KIF23: variants seen among roughly 807,000 people sequenced by gnomAD.
KIF23 encodes the protein kinesin-like protein KIF23.
In KIF23, 30 loss-of-function variants were observed where a neutral mutation model predicts 137.5. The ratio of observed to expected loss-of-function variants is 0.22; its 90% confidence interval spans 0.16 to 0.30. The LOEUF is 0.30. KIF23 is among the 10% of genes least tolerant of loss of function. The probability of loss-of-function intolerance (pLI) is 1.00; values close to 1 mark genes in which losing one functional copy is unlikely to be tolerated. For missense variants in KIF23, 920 were observed against 1,194.3 expected (o/e 0.77, Z 3.38); for synonymous variants, 367 against 391.1 (o/e 0.94, Z 0.73).
chr15:69,446,726 G>T (rs2057747352), intron 22 of KIF23, 145 bp from the exon 23 acceptor site: 2 of 760,202 alleles, frequency 2.6e-6, no homozygotes, highest in African/African-American at 3.4e-5. Flanking sequence ...AATAAATTAC[G>T]AGTGACTGGT....
intron 1 of KIF23, 26 bp from the exon 2 acceptor site, chr15:69,415,965 GTTA>G (rs751218869): frequency 9.4e-6 from 14 of 1,490,594 alleles, no homozygotes; most frequent in South Asian, 6.6e-5. Context: ...TGAAAAAAAA[GTTA>G]TTATTATTTT....
intron 10 of KIF23, chr15:69,427,265 A>G (rs2140343976): frequency 2.8e-6 from 1 of 360,330 alleles, no homozygotes; most frequent in Non-Finnish European, 5.5e-6. Flanking sequence ...TATCTGTGAA[A>G]TTTAGTATCC....
chr15:69,422,239 T>C, intron 5 of KIF23, 87 bp from the exon 6 acceptor site: 2 of 1,453,682 alleles, frequency 1.4e-6, no homozygotes, highest in Non-Finnish European at 1.9e-6. Flanking sequence ...ACCTTAACTG[T>C]TCCTTAGTTT....
chr15:69,438,999 G>A (rs1596015898), intron 16 of KIF23, among the ~76,000 whole-genome samples: 1 of 151,884 alleles, frequency 6.6e-6, no homozygotes. Context: ...TCGGAAGGCT[G>A]AGATGGGAGA....
intron 13 of KIF23, 57 bp downstream of exon 13, chr15:69,435,828 C>G (rs775356444): frequency 6.4e-7 from 1 of 1,571,622 alleles, no homozygotes; most frequent in South Asian, 1.2e-5. Context: ...AAAACAGTTA[C>G]TTGGATGAGC....
chr15:69,430,601 T>G (rs2057332777), intron 11 of KIF23, among the ~76,000 whole-genome samples: 1 of 152,222 alleles, frequency 6.6e-6, no homozygotes, highest in Non-Finnish European at 1.5e-5. Context: ...AAAGGCAACG[T>G]TCCTGTCCCA....
At chr15:69,445,072 AT>A in intron 20 of KIF23, 31 bp downstream of exon 20, 3 of 1,578,188 alleles carry the variant, frequency 1.9e-6, no homozygotes, top group Non-Finnish European at 2.6e-6. Context: ...GGAGAAAAAA[AT>A]ATATTTAAAA....
Position 69,446,329 on chromosome 15 carries a change from G to A in KIF23, c.2803G>A (p.Gly935Ser). The A allele has an allele frequency of 1.2e-6, 2 of 1,614,140 alleles. No individual in the cohort carries two copies. Among genetic ancestry groups the A allele is most frequent in the Non-Finnish European group, 1.7e-6 (2 of 1,179,986 alleles). ...SSTVAPAQPD[G>S]AESEWTDVET... ...CACAGTAGCACCTGCCCAACCAGAT[G>A]GTGCAGAGTCTGAATGGACCGATGT... The change falls in exon 22 of 24, where the codon GGT (glycine) becomes AGT (serine). Residue 935 changes from glycine (G) to serine (S), a missense_variant. Physicochemically the swap from Gly to Ser is moderately conservative, Grantham distance 56. Transcript: ENST00000679126.
At position 69,440,924 on chromosome 15, in the gene KIF23, G is replaced by C. The variant is rs143219911; in HGVS notation, c.2266G>C (p.Val756Leu). ...TCCTACGTACAACACACCTCTCAAA[G>C]TCACATCTATTGCAAGGCGTAGGCA... ...KIPTYNTPLK[V>L]TSIARRRQQE... Residue 756 changes from valine to leucine, a missense_variant, in exon 19 of 24, where the codon GTC becomes CTC. By Grantham distance (32) the Val-to-Leu change is conservative (BLOSUM62 1). Transcript: ENST00000679126. The C allele has an allele frequency of 4.8e-5, 77 of 1,614,160 alleles. No homozygotes were observed. The African/African-American group carries it at 9.3e-4, about 20-fold the overall frequency.
intron 10 of KIF23, chr15:69,426,701 C>G (rs143336405): frequency 1.3e-4 from 58 of 435,724 alleles, no homozygotes; most frequent in African/African-American, 1.1e-3. Context: ...GCCTGGGTGA[C>G]AGAGTGAGAC....
intron 23 of KIF23, 42 bp downstream of exon 23, chr15:69,446,983 T>C (rs1200958000): frequency 1.3e-6 from 2 of 1,501,928 alleles, no homozygotes; most frequent in East Asian, 2.3e-5. Context: ...TGTGCTTTTT[T>C]CCTCCTCTGG....
Position 69,426,470 on chromosome 15 carries a change from T to C in KIF23, c.1011+13T>C, listed in dbSNP as rs778626258. On this transcript the variant is annotated intron_variant, in intron 10 of 23. Transcript: ENST00000679126. The stretch of plus-strand genomic sequence containing the variant: ...CAATGTCTTACAGGTAAAGTTGTAG[T>C]ATGTGGAGTTTTTCTGGTTCTAACT... 1 of 1,612,358 alleles carries C rather than the reference T, an allele frequency of 6.2e-7. No individual in the cohort carries two copies. Among genetic ancestry groups the C allele is most frequent in the Non-Finnish European group, 8.5e-7 (1 of 1,179,422 alleles).
intron 17 of KIF23, 102 bp from the exon 18 acceptor site, chr15:69,440,206 A>G: frequency 6.7e-7 from 1 of 1,499,518 alleles, no homozygotes; most frequent in Non-Finnish European, 9.0e-7. Context: ...CTCAGGAAGA[A>G]TTGGAGAACT....
Position 69,426,153 on chromosome 15 carries a change from C to T in KIF23, c.860C>T (p.Thr287Ile). Residue 287 changes from threonine to isoleucine, a missense_variant, in exon 9 of 24, where the codon ACT becomes ATT. Coordinates refer to ENST00000679126, the MANE Select transcript of KIF23 (RefSeq NM_001367805.3). Reference protein sequence around the residue: ...AGCTEVEVKSTEEAFEVFWRG... With the variant: ...AGCTEVEVKSIEEAFEVFWRG... ...TGTACAGAAGTTGAAGTGAAATCTA[C>T]TGAGGAGGCTTTTGAAGTTTTCTGG... The T allele has an allele frequency of 1.9e-6, 3 of 1,608,376 alleles. No individual in the cohort carries two copies. The highest frequency in any genetic ancestry group is 2.5e-6 in the Non-Finnish European group (3 of 1,178,732).
chr15:69,434,659 A>G (rs1303880502), intron 11 of KIF23: 1 of 1,472,186 alleles, frequency 6.8e-7, no homozygotes, highest in Non-Finnish European at 9.4e-7. Context: ...AGGATGTCTC[A>G]CCCTCCTGTC....
intron 10 of KIF23, chr15:69,427,474 A>AT (rs1284741569): frequency 4.6e-5 from 21 of 453,670 alleles, no homozygotes; most frequent in East Asian, 2.1e-4. Flanking sequence ...TAAGACTGTG[A>AT]TTTTTTCTCT....
In KIF23 at chr15:69,436,566, C is replaced by T. The variant is rs750568905; in HGVS notation, c.1441C>T (p.Pro481Ser). The part of the protein sequence containing the change: ...NQPRGPVGNE[P>S]LVTDVVLQSF... ...TAATTTTCTATAATTCAATACAGAACCATTGGTTACTGACGTGGTTTTGCA... is the reference window on the plus strand; with the variant it reads ...TAATTTTCTATAATTCAATACAGAATCATTGGTTACTGACGTGGTTTTGCA... The change falls in exon 15 of 24, where the codon CCA becomes TCA. Residue 481 changes from proline (P) to serine (S), a missense_variant and splice_region_variant. By Grantham distance (74) the Pro-to-Ser change is moderately conservative (BLOSUM62 -1). Coordinates refer to ENST00000679126, the MANE Select transcript of KIF23 (RefSeq NM_001367805.3). 1.2e-6 allele frequency: 2 copies of T among 1,603,816 alleles called. No homozygotes were observed. Among genetic ancestry groups the T allele is most frequent in the Non-Finnish European group, 1.7e-6 (2 of 1,175,718 alleles).
intron 6 of KIF23, among the ~76,000 whole-genome samples, chr15:69,422,651 A>G (rs1376493476): frequency 1.3e-5 from 2 of 152,158 alleles, no homozygotes; most frequent in African/African-American, 4.8e-5. Context: ...GCCACTCTGG[A>G]TGGGGAGAGG....
At position 69,441,054 on chromosome 15, in the gene KIF23, A is replaced by C; in HGVS notation, c.2396A>C (p.Glu799Ala). The part of the protein sequence containing the change: ...EVVPTFRNEI[E>A]IEEDHCGRLL... ...GTTCCTACATTCAGAAATGAGATAG[A>C]AATAGAAGAGGATCATTGCGGCAGG... The change falls in exon 19 of 24, where the codon GAA (glutamate) becomes GCA (alanine). Residue 799 changes from glutamate (E) to alanine (A), a missense_variant. Glu to Ala is a moderately radical substitution (Grantham distance 107). Around this residue, in one of 4 missense-constraint regions of KIF23, gnomAD observed 714 missense variants for 866.2 expected, o/e 0.82. Transcript: ENST00000679126. The C allele has an allele frequency of 6.2e-7, 1 of 1,612,936 alleles. No homozygotes were observed. Among genetic ancestry groups the C allele is most frequent in the Non-Finnish European group, 8.5e-7 (1 of 1,179,024 alleles).
Sources: allele counts gnomAD v4.1 joint callset (sites outside exome capture counted in the v4.1 genomes callset), GRCh38; gene constraint gnomAD v4.1.1; regional missense constraint gnomAD v4.1.1; transcripts MANE v1.5; gene names NCBI Gene and HGNC (gene_info 2026-07-23, HGNC 2026-07-21).